Variants in SLX9 observed in about 807,000 individuals in gnomAD.
The protein encoded by SLX9 is SLX9 ribosome biogenesis factor, also known as ribosome biogenesis protein SLX9 homolog.
Under a neutral mutation model 20.8 loss-of-function variants are expected in SLX9, and 19 were observed. The observed-to-expected ratio is 0.91, with a 90% CI of 0.64 to 1.34. The LOEUF (loss-of-function observed/expected upper bound fraction) is 1.34, where lower values mean the gene tolerates loss of function less well. Ranked by LOEUF, SLX9 falls within the 40% of genes most tolerant of loss-of-function variation. SLX9 has a pLI of 0.00. For missense variants in SLX9, 299 were observed against 322.2 expected, an observed-to-expected ratio of 0.93 and a Z score of 0.55; for synonymous variants, 113 against 137.1, an observed-to-expected ratio of 0.82 and a Z score of 1.23.
Position 44,967,835 on chromosome 21 carries a change from CG to C in SLX9, c.500+658del, listed in dbSNP as rs757730691. The stretch of plus-strand genomic sequence containing the variant: ...CCTCGTGCGTCCTCCCCAGGAGGGA[CG>C]GGGCCTGATGTGAGTGCGGTTGCTC... On this transcript the variant is annotated intron_variant, in intron 4 of 5. Transcript: ENST00000291634. Among the ~76,000 whole-genome samples, 7 of 152,286 alleles carry C rather than the reference CG, an allele frequency of 4.6e-5. No homozygotes were observed. In the East Asian group the frequency reaches 1.3e-3, roughly 29 times the overall value.
At chr21:44,974,005 T>C (rs1378750462) in intron 5 of SLX9, among the ~76,000 whole-genome samples, 1 of 152,238 alleles carries the variant, frequency 6.6e-6, no homozygotes, top group Non-Finnish European at 1.5e-5. Flanking sequence ...GACTGGGCAC[T>C]GCGGCCCCCA....
chr21:44,954,277 G>A (rs528639235), intron 2 of SLX9, among the ~76,000 whole-genome samples: 10 of 152,254 alleles, frequency 6.6e-5, no homozygotes, highest in South Asian at 4.2e-4. Context: ...TCTTCTGGCC[G>A]GTGGGTTGCT....
rs771027070 is a variant in SLX9, at chr21:44,976,668, C to T, written c.570-12C>T. Reference sequence around the variant, plus strand: ...GTTCCTGCCTGCTGATCTGTGGTCTCCATTCTTTCAGCGAGGAAGAAAGGA... The same window carrying T: ...GTTCCTGCCTGCTGATCTGTGGTCTTCATTCTTTCAGCGAGGAAGAAAGGA... On this transcript the variant is annotated splice_polypyrimidine_tract_variant and intron_variant, in intron 5 of 5. Coordinates refer to ENST00000291634, the MANE Select transcript of SLX9 (RefSeq NM_058190.4). 5 of 1,579,188 alleles carry T rather than the reference C, an allele frequency of 3.2e-6. No individual in the cohort carries two copies. The African/African-American group carries it at 5.4e-5, about 17-fold the overall frequency.
intron 3 of SLX9, 130 bp from the exon 4 acceptor site, chr21:44,966,904 G>C: frequency 8.3e-7 from 1 of 1,200,784 alleles, no homozygotes; most frequent in South Asian, 1.3e-5. Flanking sequence ...GGGCGGAATG[G>C]GGGTGACAGC....
At position 44,954,171 on chromosome 21, in the gene SLX9, G is replaced by T. The variant is rs532436397; in HGVS notation, c.284-5929G>T. Among the ~76,000 whole-genome samples the T allele has an allele frequency of 7.9e-5, 12 of 152,274 alleles. No homozygotes were observed. In the South Asian group the frequency reaches 2.5e-3, roughly 32 times the overall value. On this transcript the variant is annotated intron_variant, in intron 2 of 5. Coordinates refer to ENST00000291634, the MANE Select transcript of SLX9 (RefSeq NM_058190.4). ...TGGAGTGTGCCAGGAGCCTGCTGCT[G>T]TGTCTGTGGAGAGAATCCTGTGGGG...
rs1454554379 is a variant in SLX9, at chr21:44,971,952, TC to T, written c.501-1244del. Among the ~76,000 whole-genome samples the T allele has an allele frequency of 3.9e-5, 6 of 152,200 alleles. No homozygotes were observed. The South Asian group carries it at 6.2e-4, about 16-fold the overall frequency. ...GGACGGGAGATGCGAGGGGCTGTCA[TC>T]TGCCAGTGTGAGCAGGAAGGGATGG... is the stretch of plus-strand genomic sequence containing the variant. On this transcript the variant is annotated intron_variant, in intron 4 of 5. Coordinates refer to ENST00000291634, the MANE Select transcript of SLX9 (RefSeq NM_058190.4).
intron 2 of SLX9, chr21:44,959,316 A>C (rs1004713560): frequency 1.0e-6 from 1 of 959,854 alleles, no homozygotes; most frequent in African/African-American, 1.8e-5. Flanking sequence ...CCGAGGCTGA[A>C]CCGTCTCGGG....
At chr21:44,957,774 G>A (rs1490000556) in intron 2 of SLX9, among the ~76,000 whole-genome samples, 1 of 152,238 alleles carries the variant, frequency 6.6e-6, no homozygotes, top group East Asian at 1.9e-4. Flanking sequence ...TGAGCACCTC[G>A]TCTAGCCTTG....
At chr21:44,949,933 C>G (rs935493003) in intron 2 of SLX9, among the ~76,000 whole-genome samples, 1 of 152,202 alleles carries the variant, frequency 6.6e-6, no homozygotes, top group Non-Finnish European at 1.5e-5. Flanking sequence ...GGTGATCTGG[C>G]CAGCAGAGGG....
At chr21:44,944,459 G>A (rs1011164166) in intron 2 of SLX9, among the ~76,000 whole-genome samples, 14 of 152,128 alleles carry the variant, frequency 9.2e-5, no homozygotes, top group African/African-American at 3.1e-4. Context: ...CTGAGTCTGA[G>A]GTGTTTTAGA....
chr21:44,949,699 G>A (rs763190642), intron 2 of SLX9, among the ~76,000 whole-genome samples: 4 of 152,162 alleles, frequency 2.6e-5, no homozygotes, highest in South Asian at 2.1e-4. Flanking sequence ...ACACGTCTGC[G>A]TCTGCAGGCG....
intron 3 of SLX9, among the ~76,000 whole-genome samples, chr21:44,964,060 A>T (rs1168075669): frequency 6.6e-6 from 1 of 152,234 alleles, no homozygotes; most frequent in Admixed American, 6.5e-5. Flanking sequence ...ATATCTCACC[A>T]TTTAAATTTC....
intron 4 of SLX9, among the ~76,000 whole-genome samples, chr21:44,972,170 C>A (rs1444806225): frequency 6.6e-6 from 1 of 152,208 alleles, no homozygotes; most frequent in Non-Finnish European, 1.5e-5. Context: ...TTCCCGCCGT[C>A]GTCTGGGTCC....
intron 2 of SLX9, among the ~76,000 whole-genome samples, chr21:44,950,005 A>G (rs2084725502): frequency 6.6e-6 from 1 of 152,130 alleles, no homozygotes; most frequent in African/African-American, 2.4e-5. Context: ...ATAGAGACGC[A>G]GGCTCTCCCT....
intron 5 of SLX9, among the ~76,000 whole-genome samples, chr21:44,975,831 C>T (rs1249920375): frequency 6.6e-6 from 1 of 152,268 alleles, no homozygotes; most frequent in African/African-American, 2.4e-5. Flanking sequence ...GGCCCCAGCC[C>T]CACTGTCCTC....
At chr21:44,955,990 G>C (rs746308222) in intron 2 of SLX9, among the ~76,000 whole-genome samples, 1 of 152,242 alleles carries the variant, frequency 6.6e-6, no homozygotes, top group Non-Finnish European at 1.5e-5. Flanking sequence ...GGATATGGAC[G>C]AGGTGTCTGC....
intron 2 of SLX9, among the ~76,000 whole-genome samples, chr21:44,946,775 C>T (rs984038596): frequency 2.0e-5 from 3 of 152,222 alleles, no homozygotes; most frequent in Non-Finnish European, 2.9e-5. Context: ...TTCCTTCCAC[C>T]GCCCTGCTGT....
At chr21:44,943,547 C>T in intron 1 of SLX9, 137 bp from the exon 2 acceptor site, 2 of 1,227,044 alleles carry the variant, frequency 1.6e-6, no homozygotes, top group Non-Finnish European at 2.3e-6. Context: ...GGTTGTTTCC[C>T]CCAGGTCCTC....
chr21:44,956,089 T>A (rs922977244), intron 2 of SLX9, among the ~76,000 whole-genome samples: 5 of 152,268 alleles, frequency 3.3e-5, no homozygotes, highest in Admixed American at 2.0e-4. Context: ...CGCTGTGAGC[T>A]GCCTATATGT....
Sources: gnomAD v4.1 joint callset for allele counts (sites outside exome capture counted in the v4.1 genomes callset) on GRCh38, gnomAD v4.1.1 for gene constraint, MANE v1.5 for transcripts, NCBI Gene and HGNC (gene_info 2026-07-23, HGNC 2026-07-21) for gene names.